FBXL17: variants seen among roughly 807,000 people sequenced by gnomAD.
FBXL17 encodes the protein F-box/LRR-repeat protein 17.
In FBXL17, 22 loss-of-function variants were observed where a neutral mutation model predicts 66.2. That is an observed-to-expected ratio of 0.33 (90% CI 0.24 to 0.47). FBXL17 has a LOEUF of 0.47. Among genes scored for constraint, FBXL17 ranks in the 20% least tolerant of loss-of-function variants. The pLI, the probability that FBXL17 is intolerant of heterozygous loss-of-function variation, is 1.00. For synonymous variants in FBXL17, 474 were observed against 400.5 expected (o/e 1.18, Z -2.19); for missense variants, 878 against 948.2 (o/e 0.93, Z 0.97).
intron 6 of FBXL17, among the ~76,000 whole-genome samples, chr5:108,144,087 C>G (rs1198790113): frequency 6.6e-6 from 1 of 152,152 alleles, no homozygotes; most frequent in Non-Finnish European, 1.5e-5. Context: ...TCCCTGGAAA[C>G]TTTGGTTCCA....
rs1258001866 is a variant in FBXL17, at chr5:107,915,912, G to T, written c.1823-34733C>A. Reference sequence around the variant, plus strand: ...TGCCAGCAGACAAAGGATGCATGTTGCCGCATCTGTATGTTACCAGTAGGC... The same window carrying T: ...TGCCAGCAGACAAAGGATGCATGTTTCCGCATCTGTATGTTACCAGTAGGC... On this transcript the variant is annotated intron_variant, in intron 7 of 8. Coordinates refer to ENST00000542267, the MANE Select transcript of FBXL17 (RefSeq NM_001163315.3). Among the ~76,000 whole-genome samples, 5 of 152,208 alleles carry T rather than the reference G, an allele frequency of 3.3e-5. No homozygotes were observed. In the East Asian group the frequency reaches 9.6e-4, roughly 29 times the overall value.
At chr5:108,377,805 GC>G (rs952678672) in intron 1 of FBXL17, among the ~76,000 whole-genome samples, 1 of 152,144 alleles carries the variant, frequency 6.6e-6, no homozygotes, top group African/African-American at 2.4e-5. Context: ...AACTTAGATG[GC>G]CTAGATCATT....
chr5:108,111,247 A>G (rs1025304828), intron 6 of FBXL17, among the ~76,000 whole-genome samples: 1 of 148,806 alleles, frequency 6.7e-6, no homozygotes, highest in African/African-American at 2.4e-5. Flanking sequence ...AAAAGAAAAG[A>G]AAAAGAAGAA....
intron 2 of FBXL17, among the ~76,000 whole-genome samples, chr5:108,365,761 A>G (rs1748620393): frequency 6.6e-6 from 1 of 152,022 alleles, no homozygotes; most frequent in Non-Finnish European, 1.5e-5. Flanking sequence ...TACCTCTGGG[A>G]GTTAGTTGAA....
intron 7 of FBXL17, among the ~76,000 whole-genome samples, chr5:107,965,640 C>T (rs1427463326): frequency 6.6e-6 from 1 of 152,106 alleles, no homozygotes; most frequent in African/African-American, 2.4e-5. Flanking sequence ...AATGTTTCTC[C>T]CTCAAATATG....
chr5:108,061,945 C>T (rs910930313), intron 6 of FBXL17, among the ~76,000 whole-genome samples: 3 of 151,530 alleles, frequency 2.0e-5, no homozygotes, highest in African/African-American at 4.9e-5. Context: ...GATGAAAGCC[C>T]GCATACATAA....
chr5:108,105,897 A>G (rs1000078910), intron 6 of FBXL17, among the ~76,000 whole-genome samples: 1 of 152,240 alleles, frequency 6.6e-6, no homozygotes, highest in Non-Finnish European at 1.5e-5. Flanking sequence ...CATCAAAGAG[A>G]GAGTAAAACG....
chr5:108,088,462 G>A (rs575372143), intron 6 of FBXL17, among the ~76,000 whole-genome samples: 1 of 151,940 alleles, frequency 6.6e-6, no homozygotes, highest in African/African-American at 2.4e-5. Context: ...AGCACTCTGG[G>A]AGGCCAAGTC....
chr5:108,046,834 G>A (rs1747270299), intron 6 of FBXL17, among the ~76,000 whole-genome samples: 1 of 152,226 alleles, frequency 6.6e-6, no homozygotes, highest in South Asian at 2.1e-4. Context: ...AAACTCAAGA[G>A]GAAAATAAAA....
intron 6 of FBXL17, among the ~76,000 whole-genome samples, chr5:108,179,461 CAGAG>C (rs1211861211): frequency 6.6e-6 from 1 of 151,968 alleles, no homozygotes; most frequent in Non-Finnish European, 1.5e-5. Flanking sequence ...AAAAAAGAGA[CAGAG>C]AGAATAGTAT....
intron 4 of FBXL17, among the ~76,000 whole-genome samples, chr5:108,296,962 T>C (rs1026326444): frequency 2.6e-5 from 4 of 151,378 alleles, no homozygotes; most frequent in African/African-American, 9.7e-5. Flanking sequence ...TTCATTCAAA[T>C]TGATATTAAA....
intron 7 of FBXL17, among the ~76,000 whole-genome samples, chr5:107,982,890 G>A (rs1399833422): frequency 6.6e-6 from 1 of 152,132 alleles, no homozygotes; most frequent in Non-Finnish European, 1.5e-5. Context: ...TGACTACAGT[G>A]CTCCTCCCAT....
chr5:108,185,038 G>A (rs1485166376), intron 6 of FBXL17, among the ~76,000 whole-genome samples: 1 of 151,934 alleles, frequency 6.6e-6, no homozygotes, highest in African/African-American at 2.4e-5. Context: ...TACTTTTAAG[G>A]GTTTTCCTGT....
intron 8 of FBXL17, among the ~76,000 whole-genome samples, chr5:107,870,820 C>T (rs951267002): frequency 7.3e-5 from 11 of 151,670 alleles, no homozygotes; most frequent in African/African-American, 2.7e-4. Context: ...CTCCTGACCT[C>T]GTGATCTACC....
intron 6 of FBXL17, among the ~76,000 whole-genome samples, chr5:108,106,797 T>C (rs144114653): frequency 7.2e-5 from 11 of 152,188 alleles, no homozygotes; most frequent in African/African-American, 2.4e-4. Flanking sequence ...CTTTTGGGAC[T>C]GATGAAAATT....
At chr5:108,126,647 C>CATATATATA (rs1561423026) in intron 6 of FBXL17, among the ~76,000 whole-genome samples, 18 of 77,062 alleles carry the variant, frequency 2.3e-4, no homozygotes, top group African/African-American at 8.2e-4. Flanking sequence ...CTCTCTCTCT[C>CATATATATA]TCTCTATATA....
At chr5:107,944,600 A>G (rs1751220012) in intron 7 of FBXL17, among the ~76,000 whole-genome samples, 1 of 152,204 alleles carries the variant, frequency 6.6e-6, no homozygotes, top group Non-Finnish European at 1.5e-5. Context: ...TGTAATTTTG[A>G]AAAGATAATT....
intron 7 of FBXL17, among the ~76,000 whole-genome samples, chr5:107,986,163 G>A (rs1753003939): frequency 6.6e-6 from 1 of 151,976 alleles, no homozygotes; most frequent in African/African-American, 2.4e-5. Context: ...ACCCATATCT[G>A]TAGCTGAGGT....
intron 7 of FBXL17, among the ~76,000 whole-genome samples, chr5:107,997,503 C>T (rs1339157413): frequency 2.0e-5 from 3 of 152,166 alleles, no homozygotes; most frequent in East Asian, 1.9e-4. Context: ...CAGTGCTTCT[C>T]GCTATTCATT....
Sources: gnomAD v4.1 joint callset for allele counts (sites outside exome capture counted in the v4.1 genomes callset) on GRCh38, gnomAD v4.1.1 for gene constraint, MANE v1.5 for transcripts, NCBI Gene and HGNC (gene_info 2026-07-23, HGNC 2026-07-21) for gene names.